The following AFF2 variants were observed in gnomAD, a reference collection of about 807,000 sequenced individuals.
AFF2 encodes the protein ALF transcription elongation factor 2.
In AFF2, 14 loss-of-function variants were observed where a neutral mutation model predicts 76.9. The observed-to-expected ratio is 0.18, with a 90% CI of 0.12 to 0.28. The LOEUF (loss-of-function observed/expected upper bound fraction) is 0.28. Ranked by LOEUF, AFF2 falls within the 10% of genes least tolerant of loss-of-function variation. The pLI is 1.00. For synonymous variants in AFF2, 398 were observed against 366.7 expected (o/e 1.09, Z -0.98); for missense variants, 868 against 1,001.1 (o/e 0.87, Z 1.79).
Position 148,871,978 on chromosome X carries a change from G to A in AFF2, c.1263-13911G>A, listed in dbSNP as rs781996135. On this transcript the variant is annotated intron_variant, in intron 7 of 20. Transcript: ENST00000370460. ...CAGATATGTCTAGGAATGCATTGGA[G>A]ACCTTCTGCCGTACTTCGTTATGCA... 2.7e-5 allele frequency among the ~76,000 whole-genome samples: 3 copies of A among 111,488 alleles called. No individual in the cohort carries two copies. In the East Asian group the frequency reaches 8.5e-4, roughly 32 times the overall value.
rs2053786242 is a variant in AFF2, at chrX:148,615,326, A to G, written c.48-36673A>G. Among the ~76,000 whole-genome samples, 4 of 112,221 alleles carry G rather than the reference A, an allele frequency of 3.6e-5. No individual in the cohort carries two copies. In the South Asian group the frequency reaches 1.4e-3, roughly 40 times the overall value. ...GTCTCTGTCACTGGCCTTCTTGCAC[A>G]TAGAAGGTATGTGATAACTTTGAAA... On this transcript the variant is annotated intron_variant, in intron 1 of 20. Transcript: ENST00000370460.
chrX:148,621,800 T>C (rs782279951), intron 1 of AFF2, among the ~76,000 whole-genome samples: 1 of 111,749 alleles, frequency 8.9e-6, no homozygotes, highest in African/African-American at 3.2e-5. Flanking sequence ...GCTGGGAACA[T>C]ATTGGTGATG....
Position 148,962,840 on chromosome X carries a change from A to G in AFF2, c.2816A>G (p.Gln939Arg), listed in dbSNP as rs2072126403. ...AGTGGCAATAATGGTCCCTTTGGTC[A>G]AGACAAAAACATCGCCATGACTGGA... ...NVSGNNGPFG[Q>R]DKNIAMTGQI... The change falls in exon 13 of 21, where the codon CAA becomes CGA. Residue 939 changes from glutamine to arginine, a missense_variant. Physicochemically the swap from Gln to Arg is conservative, Grantham distance 43. This residue lies in a region of AFF2 where 532 missense variants were observed against 564.2 expected (regional missense o/e 0.94). Transcript: ENST00000370460. The G allele has an allele frequency of 5.8e-6, 7 of 1,211,017 alleles. No homozygotes were observed. Among genetic ancestry groups the G allele is most frequent in the Non-Finnish European group, 7.8e-6 (7 of 894,573 alleles).
chrX:148,606,199 G>A (rs2053671103), intron 1 of AFF2, among the ~76,000 whole-genome samples: 1 of 111,990 alleles, frequency 8.9e-6, no homozygotes, highest in African/African-American at 3.2e-5. Flanking sequence ...AAAGTCTCAT[G>A]ATCATGAAAG....
chrX:148,546,529 T>G (rs5936392), intron 1 of AFF2, among the ~76,000 whole-genome samples: 32,417 of 111,497 alleles, frequency 0.29, 3,512 homozygotes, highest in Non-Finnish European at 0.31. Context: ...TAGTAGAGGA[T>G]TATGTATGAA....
intron 3 of AFF2, among the ~76,000 whole-genome samples, chrX:148,707,013 TA>T (rs1384220357): frequency 1.8e-5 from 2 of 112,266 alleles, no homozygotes; most frequent in Non-Finnish European, 3.8e-5. Context: ...GTACTCATAG[TA>T]ATGGCTTTGG....
chrX:148,904,345 A>AT lies in AFF2; in HGVS notation c.1397+91dup, dbSNP rs559422571. The stretch of plus-strand genomic sequence containing the variant: ...AATAAGGTCATAAAAGAGACCTTGG[A>AT]TTTTGAGTTAATCTCTATTCATGAC... On this transcript the variant is annotated intron_variant, in intron 9 of 20. Coordinates refer to ENST00000370460, the MANE Select transcript of AFF2 (RefSeq NM_002025.4). The AT allele has an allele frequency of 3.8e-5, 22 of 583,224 alleles. No homozygotes were observed. In the South Asian group the frequency reaches 6.1e-4, roughly 16 times the overall value. The allele number at this position is 583,224 out of a possible 1,213,427, so 48.1% of individuals were successfully genotyped here.
chrX:148,874,330 G>A (rs1557277651), intron 7 of AFF2, among the ~76,000 whole-genome samples: 3 of 111,681 alleles, frequency 2.7e-5, no homozygotes, highest in Non-Finnish European at 5.6e-5. Flanking sequence ...AGTGGAAGCA[G>A]TGGCATTTAT....
chrX:148,689,917 A>G (rs1288293396), intron 3 of AFF2, among the ~76,000 whole-genome samples: 1 of 112,359 alleles, frequency 8.9e-6, no homozygotes, highest in African/African-American at 3.2e-5. Context: ...TGAATCATCT[A>G]TAGCCGATTC....
chrX:148,737,466 T>C (rs1557265200), intron 3 of AFF2, among the ~76,000 whole-genome samples: 7 of 112,175 alleles, frequency 6.2e-5, no homozygotes. Flanking sequence ...ACATTAATCT[T>C]GTATCTGGAA....
At chrX:148,701,652 G>A (rs781822921) in intron 3 of AFF2, among the ~76,000 whole-genome samples, 18 of 112,244 alleles carry the variant, frequency 1.6e-4, no homozygotes, top group African/African-American at 4.5e-4. Context: ...TTCTAGAATC[G>A]TTGCTTTAGA....
rs1557290523 is a variant in AFF2, at chrX:148,978,342, GCCTTTCCTCATCA to G, written c.3477-17_3477-5del. The G allele has an allele frequency of 8.9e-7, 1 of 1,121,640 alleles. No homozygotes were observed. The highest frequency in any genetic ancestry group is 1.8e-5 in the African/African-American group (1 of 55,434). 92.4% of individuals were successfully genotyped at this position (1,121,640 alleles called of 1,213,427 possible). A position where few individuals can be genotyped will look rare whatever the true frequency, so the allele number is the denominator to read the frequency against. ...TCACTAAGCACTGGCATTAACAGAA[GCCTTTCCTCATCA>G]CCACAGCTACCGATGTTTATCACTC... On this transcript the variant is annotated splice_region_variant and splice_polypyrimidine_tract_variant and intron_variant, in intron 17 of 20. Coordinates refer to ENST00000370460, the MANE Select transcript of AFF2 (RefSeq NM_002025.4).
chrX:148,523,721 G>T (rs2052625349), intron 1 of AFF2, among the ~76,000 whole-genome samples: 1 of 112,323 alleles, frequency 8.9e-6, no homozygotes, highest in Non-Finnish European at 1.9e-5. Context: ...TCAAAATTGT[G>T]CAAGTGTAAA....
intron 1 of AFF2, among the ~76,000 whole-genome samples, chrX:148,583,015 G>A (rs1301454013): frequency 3.6e-5 from 4 of 111,916 alleles, no homozygotes; most frequent in Non-Finnish European, 7.5e-5. Flanking sequence ...GCCACATATT[G>A]TATGATTCCA....
intron 1 of AFF2, among the ~76,000 whole-genome samples, chrX:148,620,312 A>T (rs1388351082): frequency 9.0e-6 from 1 of 111,050 alleles, no homozygotes. Context: ...CTGTGTTTGT[A>T]ATAAAGATTG....
intron 8 of AFF2, among the ~76,000 whole-genome samples, chrX:148,888,066 T>C (rs1390447753): frequency 8.9e-6 from 1 of 112,183 alleles, no homozygotes; most frequent in African/African-American, 3.2e-5. Flanking sequence ...AAATTAACCA[T>C]TTTAAAGTGT....
chrX:148,570,374 C>T (rs1435899730), intron 1 of AFF2, among the ~76,000 whole-genome samples: 3 of 112,354 alleles, frequency 2.7e-5, no homozygotes, highest in Non-Finnish European at 5.6e-5. Flanking sequence ...TTAATACACA[C>T]CACACACATA....
intron 7 of AFF2, among the ~76,000 whole-genome samples, chrX:148,884,382 A>G (rs2071132621): frequency 9.0e-6 from 1 of 111,471 alleles, no homozygotes; most frequent in South Asian, 3.7e-4. Flanking sequence ...TTTTTTGGAG[A>G]GTTATTGGAT....
chrX:148,852,639 T>G (rs1232951436), intron 7 of AFF2, among the ~76,000 whole-genome samples: 1 of 111,175 alleles, frequency 9.0e-6, no homozygotes, highest in African/African-American at 3.3e-5. Flanking sequence ...CTTGGGTAAT[T>G]GCAACCACCA....
Sources: allele counts gnomAD v4.1 joint callset (sites outside exome capture counted in the v4.1 genomes callset), GRCh38; gene constraint gnomAD v4.1.1; regional missense constraint gnomAD v4.1.1; transcripts MANE v1.5; gene names NCBI Gene and HGNC (gene_info 2026-07-23, HGNC 2026-07-21).